Variants in EVA1C observed in about 807,000 individuals in gnomAD.
EVA1C encodes protein eva-1 homolog C.
Under a neutral mutation model 45.4 loss-of-function variants are expected in EVA1C, and 25 were observed. That is an observed-to-expected ratio of 0.55 (90% CI 0.40 to 0.77). EVA1C has a LOEUF of 0.77. Among genes scored for constraint, EVA1C ranks in the 30% least tolerant of loss-of-function variants. The pLI is 0.00. For missense variants in EVA1C, 479 were observed against 554.8 expected (o/e 0.86, Z 1.37); for synonymous variants, 190 against 221.2 (o/e 0.86, Z 1.25).
At chr21:32,498,154 CAAAG>C (rs2037411623) in intron 5 of EVA1C, among the ~76,000 whole-genome samples, 2 of 152,136 alleles carry the variant, frequency 1.3e-5, no homozygotes, top group East Asian at 1.9e-4. Context: ...TTGTAATAAA[CAAAG>C]AGACACGGCC....
At chr21:32,444,502 G>A (rs2035296683) in intron 1 of EVA1C, among the ~76,000 whole-genome samples, 1 of 152,208 alleles carries the variant, frequency 6.6e-6, no homozygotes, top group African/African-American at 2.4e-5. Flanking sequence ...GACACATAGG[G>A]AAAGGGATGG....
intron 1 of EVA1C, among the ~76,000 whole-genome samples, chr21:32,447,471 A>C (rs900448628): frequency 6.6e-6 from 1 of 152,120 alleles, no homozygotes; most frequent in Non-Finnish European, 1.5e-5. Context: ...CTTTCACTTT[A>C]ACTCAATCAC....
intron 7 of EVA1C, among the ~76,000 whole-genome samples, chr21:32,512,391 C>T (rs1454974909): frequency 2.0e-5 from 3 of 152,196 alleles, no homozygotes; most frequent in African/African-American, 7.2e-5. Context: ...GTAGCAAGTC[C>T]ATAGTTACCG....
At chr21:32,475,563 T>TTCTC (rs751274976) in intron 4 of EVA1C, among the ~76,000 whole-genome samples, 5 of 151,860 alleles carry the variant, frequency 3.3e-5, no homozygotes, top group Non-Finnish European at 5.9e-5. Context: ...GCAGACTGCC[T>TTCTC]TATTTTCCTT....
intron 7 of EVA1C, among the ~76,000 whole-genome samples, chr21:32,508,489 C>T (rs142450072): frequency 1.3e-3 from 201 of 152,300 alleles, no homozygotes; most frequent in African/African-American, 4.7e-3. Context: ...CACAAAAACA[C>T]GCTCCAGAGT....
At chr21:32,514,100 A>T (rs952102569) in intron 7 of EVA1C, among the ~76,000 whole-genome samples, 3 of 152,210 alleles carry the variant, frequency 2.0e-5, no homozygotes, top group Non-Finnish European at 4.4e-5. Flanking sequence ...CTTAGGTTTT[A>T]TGCAAATTCT....
At chr21:32,513,551 C>CTT (rs1165725714) in intron 7 of EVA1C, among the ~76,000 whole-genome samples, 32,743 of 106,562 alleles carry the variant, frequency 0.31, 5,933 homozygotes, top group East Asian at 0.39. Context: ...TTTTTCTTTT[C>CTT]TTTTTTTTTT....
At chr21:32,476,633 C>T (rs1257812061) in intron 4 of EVA1C, among the ~76,000 whole-genome samples, 1 of 151,986 alleles carries the variant, frequency 6.6e-6, no homozygotes, top group East Asian at 1.9e-4. Flanking sequence ...AAGAGTGAAA[C>T]TCCGTCTCAA....
At chr21:32,513,172 T>G (rs970857552) in intron 7 of EVA1C, among the ~76,000 whole-genome samples, 3 of 148,452 alleles carry the variant, frequency 2.0e-5, no homozygotes, top group African/African-American at 7.4e-5. Flanking sequence ...CTATATTATT[T>G]TATTTTATTT....
At chr21:32,476,014 G>T (rs1049413016) in intron 4 of EVA1C, among the ~76,000 whole-genome samples, 1 of 152,062 alleles carries the variant, frequency 6.6e-6, no homozygotes, top group Non-Finnish European at 1.5e-5. Flanking sequence ...AATTTAAGAG[G>T]TATAAAATAG....
At chr21:32,485,089 C>A (rs888130962) in intron 4 of EVA1C, among the ~76,000 whole-genome samples, 1 of 152,210 alleles carries the variant, frequency 6.6e-6, no homozygotes, top group Admixed American at 6.5e-5. Flanking sequence ...ACATTCTCCT[C>A]CCCTGACTGT....
intron 1 of EVA1C, among the ~76,000 whole-genome samples, chr21:32,419,462 C>T (rs1464486651): frequency 1.3e-5 from 2 of 152,224 alleles, no homozygotes; most frequent in Non-Finnish European, 2.9e-5. Flanking sequence ...CGCCTGTAAT[C>T]CCAACACTTT....
chr21:32,445,969 T>A (rs2035349389), intron 1 of EVA1C, among the ~76,000 whole-genome samples: 1 of 152,026 alleles, frequency 6.6e-6, no homozygotes, highest in African/African-American at 2.4e-5. Flanking sequence ...TCCAGCTGGG[T>A]GTGGTGGCTT....
Position 32,420,586 on chromosome 21 carries a change from G to T in EVA1C, c.160+7573G>T, listed in dbSNP as rs1338935861. On this transcript the variant is annotated intron_variant, in intron 1 of 7. Coordinates refer to ENST00000300255, the MANE Select transcript of EVA1C (RefSeq NM_058187.5). The stretch of plus-strand genomic sequence containing the variant: ...GGCATTTTTTTTTTGTAGAGACAGG[G>T]TCTCACTATGTTGCCCAGGCTGGTC... Among the ~76,000 whole-genome samples, 4 of 152,050 alleles carry T rather than the reference G, an allele frequency of 2.6e-5. No homozygotes were observed. The East Asian group carries it at 7.7e-4, about 29-fold the overall frequency.
chr21:32,491,104 C>T (rs1011862875), intron 4 of EVA1C, among the ~76,000 whole-genome samples: 1 of 152,154 alleles, frequency 6.6e-6, no homozygotes, highest in African/African-American at 2.4e-5. Flanking sequence ...CACTGACTGC[C>T]GCCTGGGAGA....
At chr21:32,451,340 GC>G (rs1486247174) in intron 1 of EVA1C, among the ~76,000 whole-genome samples, 1 of 152,156 alleles carries the variant, frequency 6.6e-6, no homozygotes, top group Non-Finnish European at 1.5e-5. Context: ...TCTCCTCCCA[GC>G]CGCCTCGCTG....
rs111392185 is a variant in EVA1C at position 32,444,646 on chromosome 21, A to G, written c.161-8666A>G. On this transcript the variant is annotated intron_variant, in intron 1 of 7. Coordinates refer to ENST00000300255, the MANE Select transcript of EVA1C (RefSeq NM_058187.5). ...ATAGAAGCATCATTACATAGGCACAATTGATTAAATCACTGGCCATTAGTG... is the reference window on the plus strand; with the variant it reads ...ATAGAAGCATCATTACATAGGCACAGTTGATTAAATCACTGGCCATTAGTG... Among the ~76,000 whole-genome samples, 1,517 of 152,272 alleles carry G rather than the reference A, an allele frequency of 1.0e-2. 33 individuals are homozygous for G. The highest frequency in any genetic ancestry group is 0.035 in the African/African-American group (1,444 of 41,538).
intron 1 of EVA1C, among the ~76,000 whole-genome samples, chr21:32,445,271 T>G (rs1341623124): frequency 6.6e-6 from 1 of 152,222 alleles, no homozygotes; most frequent in Non-Finnish European, 1.5e-5. Context: ...AGATATACAT[T>G]TGCCTCAGGC....
In EVA1C at chr21:32,513,022, T is replaced by C. The variant is rs2038008497; in HGVS notation, c.950-1792T>C. On this transcript the variant is annotated intron_variant, in intron 7 of 7. Transcript: ENST00000300255. Reference sequence around the variant, plus strand: ...TACAATAATATAGTAAGTATTATAATACTTACAATAATATAATAAGCATTA... The same window carrying C: ...TACAATAATATAGTAAGTATTATAACACTTACAATAATATAATAAGCATTA... Among the ~76,000 whole-genome samples, 6 of 151,290 alleles carry C rather than the reference T, an allele frequency of 4.0e-5. No homozygotes were observed. In the South Asian group the frequency reaches 6.2e-4, roughly 16 times the overall value.
Sources: allele counts gnomAD v4.1 joint callset (sites outside exome capture counted in the v4.1 genomes callset), GRCh38; gene constraint gnomAD v4.1.1; transcripts MANE v1.5; gene names NCBI Gene and HGNC (gene_info 2026-07-23, HGNC 2026-07-21).